Variants in RANBP17 observed in about 807,000 individuals in gnomAD.
The protein encoded by RANBP17 is RAN binding protein 17, also known as ran-binding protein 17.
A neutral mutation model predicts 141.2 loss-of-function variants in RANBP17; 158 were observed. The ratio of observed to expected loss-of-function variants is 1.12; its 90% CI spans 0.98 to 1.28. The LOEUF is 1.28. Ranked by LOEUF, RANBP17 falls within the 50% of genes most tolerant of loss-of-function variation. RANBP17 has a pLI of 0.00. For synonymous variants in RANBP17, 430 were observed against 450.0 expected (o/e 0.96, Z 0.56); for missense variants, 1,438 against 1,290.7 (o/e 1.11, Z -1.75).
At chr5:171,038,943 A>G (rs1585195) in intron 14 of RANBP17, among the ~76,000 whole-genome samples, 101,927 of 151,928 alleles carry the variant, frequency 0.67, 34,451 homozygotes, top group South Asian at 0.89. Context: ...TGTCTTTGCC[A>G]GGATGTACCA....
intron 25 of RANBP17, among the ~76,000 whole-genome samples, chr5:171,279,354 A>C (rs1014982297): frequency 6.6e-6 from 1 of 152,238 alleles, no homozygotes; most frequent in Non-Finnish European, 1.5e-5. Context: ...TTTGCCTCAC[A>C]GTCTTGGAGA....
chr5:171,069,617 CA>C (rs1784515263), intron 14 of RANBP17, among the ~76,000 whole-genome samples: 3 of 152,072 alleles, frequency 2.0e-5, no homozygotes, highest in Admixed American at 1.3e-4. Context: ...GTACAGTGTT[CA>C]ATAAATTAAT....
intron 14 of RANBP17, among the ~76,000 whole-genome samples, chr5:171,137,571 G>GGT (rs757634108): frequency 0.014 from 873 of 62,498 alleles, 2 homozygotes; most frequent in East Asian, 0.036. Flanking sequence ...GTTGACTTGA[G>GGT]ATGTGTGTGT....
intron 14 of RANBP17, among the ~76,000 whole-genome samples, chr5:171,146,900 C>T (rs1005073407): frequency 2.6e-5 from 4 of 152,224 alleles, no homozygotes; most frequent in Admixed American, 2.6e-4. Flanking sequence ...TAAATTCTAA[C>T]TCTACCACTT....
At chr5:171,187,389 A>G (rs1274270363) in intron 18 of RANBP17, among the ~76,000 whole-genome samples, 1 of 152,160 alleles carries the variant, frequency 6.6e-6, no homozygotes, top group African/African-American at 2.4e-5. Flanking sequence ...ATGTTGGCAG[A>G]ATGATGCCAA....
intron 14 of RANBP17, among the ~76,000 whole-genome samples, chr5:171,047,699 A>C (rs934887985): frequency 6.6e-6 from 1 of 152,090 alleles, no homozygotes; most frequent in Non-Finnish European, 1.5e-5. Context: ...CAGCCTCCCA[A>C]GTCTTACCCA....
chr5:171,265,599 T>G, intron 24 of RANBP17, 82 bp from the exon 25 acceptor site: 2 of 1,254,010 alleles, frequency 1.6e-6, no homozygotes, highest in Non-Finnish European at 2.2e-6. Context: ...AGAAAGTAAT[T>G]ATTTTTAATG....
chr5:171,283,258 C>A (rs1445457904), intron 25 of RANBP17, among the ~76,000 whole-genome samples: 1 of 152,168 alleles, frequency 6.6e-6, no homozygotes, highest in Non-Finnish European at 1.5e-5. Context: ...ATCTCCTCCC[C>A]TACTCAACTG....
intron 14 of RANBP17, among the ~76,000 whole-genome samples, chr5:171,147,809 G>A (rs867444645): frequency 1.3e-5 from 2 of 152,330 alleles, no homozygotes; most frequent in East Asian, 1.9e-4. Flanking sequence ...CGTCCGGGAC[G>A]TGAGGGGTGC....
intron 14 of RANBP17, among the ~76,000 whole-genome samples, chr5:171,019,366 A>G (rs933287860): frequency 6.6e-6 from 1 of 151,994 alleles, no homozygotes; most frequent in African/African-American, 2.4e-5. Flanking sequence ...GGTAGAATTC[A>G]ACTGTGAATC....
At chr5:170,996,369 A>T (rs189485626) in intron 14 of RANBP17, among the ~76,000 whole-genome samples, 1 of 152,210 alleles carries the variant, frequency 6.6e-6, no homozygotes, top group South Asian at 2.1e-4. Context: ...AGTGATTGTC[A>T]TAATACCTGT....
chr5:171,208,743 C>T (rs542841660), intron 20 of RANBP17, among the ~76,000 whole-genome samples: 1 of 152,250 alleles, frequency 6.6e-6, no homozygotes, highest in African/African-American at 2.4e-5. Context: ...CTTGAGTAAG[C>T]TACTTAATAT....
intron 14 of RANBP17, among the ~76,000 whole-genome samples, chr5:171,140,100 T>A (rs544849401): frequency 6.6e-6 from 1 of 152,144 alleles, no homozygotes; most frequent in Non-Finnish European, 1.5e-5. Flanking sequence ...ACCCCTCAGC[T>A]CTCTGCTTAA....
intron 14 of RANBP17, among the ~76,000 whole-genome samples, chr5:171,004,703 G>A (rs567695404): frequency 2.0e-5 from 3 of 152,280 alleles, no homozygotes; most frequent in African/African-American, 4.8e-5. Context: ...GGAATGTTGG[G>A]TTTGGGCTTC....
chr5:171,156,315 T>G lies in RANBP17; in HGVS notation c.1711-13815T>G, dbSNP rs1450537551. Among the ~76,000 whole-genome samples the G allele has an allele frequency of 3.3e-5, 5 of 152,206 alleles. No individual in the cohort carries two copies. In the South Asian group the frequency reaches 1.0e-3, roughly 32 times the overall value. ...ACTATGTGATACTAGGAACATAAAT[T>G]AGAAGAAAAAGGTACTTTCTTAGTT... On this transcript the variant is annotated intron_variant, in intron 14 of 27. Coordinates refer to ENST00000523189, the MANE Select transcript of RANBP17 (RefSeq NM_022897.5).
intron 5 of RANBP17, among the ~76,000 whole-genome samples, chr5:170,905,811 T>C (rs963948243): frequency 1.1e-4 from 16 of 152,160 alleles, no homozygotes; most frequent in Admixed American, 6.5e-5. Flanking sequence ...ATTTTGAAAC[T>C]AGCAGTTTGA....
At chr5:171,168,860 CTCTT>C (rs1268375866) in intron 14 of RANBP17, among the ~76,000 whole-genome samples, 1 of 152,050 alleles carries the variant, frequency 6.6e-6, no homozygotes, top group Non-Finnish European at 1.5e-5. Flanking sequence ...CTCTCTCTCT[CTCTT>C]TCTTCCCCAG....
At chr5:170,908,037 G>C (rs1004162007) in intron 5 of RANBP17, among the ~76,000 whole-genome samples, 3 of 152,126 alleles carry the variant, frequency 2.0e-5, no homozygotes, top group South Asian at 4.1e-4. Context: ...ATGCTAGCAA[G>C]GCTGTGGAGA....
At chr5:170,914,093 G>A in intron 7 of RANBP17, 74 bp from the exon 8 acceptor site, 1 of 978,868 alleles carries the variant, frequency 1.0e-6, no homozygotes, top group Admixed American at 1.8e-5. Context: ...TTCTCAGTTT[G>A]TGTGATATTG....
Sources: gnomAD v4.1 joint callset for allele counts (sites outside exome capture counted in the v4.1 genomes callset) on GRCh38, gnomAD v4.1.1 for gene constraint, MANE v1.5 for transcripts, NCBI Gene and HGNC (gene_info 2026-07-23, HGNC 2026-07-21) for gene names.